MARCHF1: variants seen among roughly 807,000 people sequenced by gnomAD.
MARCHF1 encodes the protein E3 ubiquitin-protein ligase MARCHF1.
Under a neutral mutation model 54.2 loss-of-function variants are expected in MARCHF1, and 40 were observed. The observed-to-expected ratio is 0.74, with a 90% CI of 0.57 to 0.96. MARCHF1 has a LOEUF of 0.96. Among genes scored for constraint, MARCHF1 ranks in the 40% least tolerant of loss-of-function variants. The pLI, the probability that MARCHF1 is intolerant of heterozygous loss-of-function variation, is 0.00. For missense variants in MARCHF1, 586 were observed against 656.5 expected (o/e 0.89, Z 1.17); for synonymous variants, 236 against 236.3 (o/e 1.00, Z 0.01).
At chr4:163,676,587 AT>A (rs1743928984) in intron 5 of MARCHF1, among the ~76,000 whole-genome samples, 1 of 151,974 alleles carries the variant, frequency 6.6e-6, no homozygotes, top group Non-Finnish European at 1.5e-5. Flanking sequence ...CTTCTACAAA[AT>A]AAATAACTAA....
chr4:163,823,394 C>G (rs1452048766), intron 4 of MARCHF1, among the ~76,000 whole-genome samples: 2 of 151,680 alleles, frequency 1.3e-5, no homozygotes, highest in African/African-American at 4.8e-5. Flanking sequence ...ACACTTTGCC[C>G]AAATCAAACC....
At chr4:163,618,075 C>T (rs1412889005) in intron 5 of MARCHF1, among the ~76,000 whole-genome samples, 18 of 152,076 alleles carry the variant, frequency 1.2e-4, no homozygotes, top group Admixed American at 1.2e-3. Flanking sequence ...TGTCTACAGC[C>T]CTTAAGTATT....
intron 4 of MARCHF1, among the ~76,000 whole-genome samples, chr4:163,775,452 T>C (rs527934458): frequency 1.3e-5 from 2 of 152,268 alleles, no homozygotes; most frequent in Non-Finnish European, 1.5e-5. Flanking sequence ...AAGCCTATCA[T>C]GTAGTAGTTA....
At chr4:164,155,327 A>C (rs6834018) in intron 1 of MARCHF1, among the ~76,000 whole-genome samples, 28,991 of 87,860 alleles carry the variant, frequency 0.33, 4,420 homozygotes, top group African/African-American at 0.47. Flanking sequence ...TTATCAAACT[A>C]AACTTTCAAA....
intron 5 of MARCHF1, among the ~76,000 whole-genome samples, chr4:163,655,083 T>G (rs1358251542): frequency 2.0e-5 from 3 of 151,698 alleles, no homozygotes; most frequent in Non-Finnish European, 3.0e-5. Flanking sequence ...TTTTTATGAT[T>G]TTAAGATTAC....
chr4:163,543,515 T>C (rs1738792936), intron 9 of MARCHF1, among the ~76,000 whole-genome samples: 2 of 151,638 alleles, frequency 1.3e-5, no homozygotes, highest in South Asian at 2.1e-4. Flanking sequence ...ATTCAGAAGA[T>C]AGGTGGATGT....
At chr4:164,125,750 A>T (rs993457819) in intron 1 of MARCHF1, among the ~76,000 whole-genome samples, 1 of 152,230 alleles carries the variant, frequency 6.6e-6, no homozygotes, top group Non-Finnish European at 1.5e-5. Context: ...ACAAGTCAGC[A>T]TTACTGTCTG....
chr4:163,843,837 G>T lies in MARCHF1; in HGVS notation c.111+10184C>A, dbSNP rs1280630341. 2.6e-5 allele frequency among the ~76,000 whole-genome samples: 4 copies of T among 151,800 alleles called. No homozygotes were observed. The East Asian group carries it at 7.7e-4, about 29-fold the overall frequency. On this transcript the variant is annotated intron_variant, in intron 4 of 9. Coordinates refer to ENST00000514618, the MANE Select transcript of MARCHF1 (RefSeq NM_001394959.1). ...GGCCATTCTGGAGTGGTGTGAGATG[G>T]TATGTCATTGTGGTTTTGATTGGCA...
At chr4:163,647,223 G>A (rs1334105583) in intron 5 of MARCHF1, among the ~76,000 whole-genome samples, 1 of 151,988 alleles carries the variant, frequency 6.6e-6, no homozygotes, top group Non-Finnish European at 1.5e-5. Flanking sequence ...ACTTGTAAAT[G>A]TATAATATAT....
At chr4:164,278,264 C>A (rs78272598) in intron 1 of MARCHF1, among the ~76,000 whole-genome samples, 2 of 152,078 alleles carry the variant, frequency 1.3e-5, no homozygotes, top group Non-Finnish European at 2.9e-5. Context: ...GAGCTGTGAT[C>A]GCACCACTGC....
chr4:163,742,343 CCTCT>C (rs1211734457), intron 4 of MARCHF1, among the ~76,000 whole-genome samples: 2 of 147,892 alleles, frequency 1.4e-5, no homozygotes, highest in Admixed American at 6.8e-5. Context: ...TCCCTCCCTC[CCTCT>C]CTCCCTCCCT....
intron 4 of MARCHF1, among the ~76,000 whole-genome samples, chr4:163,743,702 C>T (rs952959777): frequency 1.3e-5 from 2 of 151,948 alleles, no homozygotes; most frequent in Admixed American, 6.6e-5. Flanking sequence ...CCTCAGCCTC[C>T]AGAGTAGCTG....
chr4:163,772,767 T>TAC (rs1747196990), intron 4 of MARCHF1, among the ~76,000 whole-genome samples: 1 of 13,766 alleles, frequency 7.3e-5, no homozygotes, highest in Admixed American at 1.2e-3. Context: ...TAACCCCCCT[T>TAC]TCTCATCTCA....
intron 1 of MARCHF1, among the ~76,000 whole-genome samples, chr4:164,176,793 C>A (rs1730674400): frequency 2.0e-5 from 3 of 151,472 alleles, no homozygotes; most frequent in Non-Finnish European, 2.9e-5. Flanking sequence ...AATAACCAAG[C>A]AATAGGTTTC....
At chr4:163,812,698 C>T (rs1440570557) in intron 4 of MARCHF1, among the ~76,000 whole-genome samples, 1 of 152,090 alleles carries the variant, frequency 6.6e-6, no homozygotes, top group Admixed American at 6.6e-5. Flanking sequence ...GCGGGAGTTG[C>T]AGTAAGCAGA....
At chr4:163,782,109 C>T (rs1027433372) in intron 4 of MARCHF1, among the ~76,000 whole-genome samples, 20 of 70,546 alleles carry the variant, frequency 2.8e-4, no homozygotes, top group Non-Finnish European at 6.9e-4. Flanking sequence ...ATATATTTAA[C>T]TGCCCAGAAA....
chr4:163,838,017 T>C (rs912756100), intron 4 of MARCHF1, among the ~76,000 whole-genome samples: 1 of 152,112 alleles, frequency 6.6e-6, no homozygotes, highest in Non-Finnish European at 1.5e-5. Context: ...TCAAAAAATC[T>C]TAATGGAAGT....
At chr4:164,127,252 T>C (rs1756203971) in intron 1 of MARCHF1, among the ~76,000 whole-genome samples, 1 of 152,110 alleles carries the variant, frequency 6.6e-6, no homozygotes, top group Non-Finnish European at 1.5e-5. Flanking sequence ...CTAAGCAAAG[T>C]TTTGAAGGTG....
At chr4:164,076,339 A>G (rs528644610) in intron 2 of MARCHF1, among the ~76,000 whole-genome samples, 1 of 152,198 alleles carries the variant, frequency 6.6e-6, no homozygotes, top group Non-Finnish European at 1.5e-5. Flanking sequence ...AAAATTCAAC[A>G]AACCTTCATG....
Sources: gnomAD v4.1 joint callset for allele counts (sites outside exome capture counted in the v4.1 genomes callset) on GRCh38, gnomAD v4.1.1 for gene constraint, MANE v1.5 for transcripts, NCBI Gene and HGNC (gene_info 2026-07-23, HGNC 2026-07-21) for gene names.